Variants in CCDC7 observed in about 807,000 individuals in gnomAD.
The protein encoded by CCDC7 is coiled-coil domain containing 7.
In CCDC7, 183 loss-of-function variants were observed where a neutral mutation model predicts 196.9. The observed-to-expected ratio is 0.93, with a 90% confidence interval of 0.82 to 1.05. CCDC7 has a LOEUF of 1.05. Among genes scored for constraint, CCDC7 ranks in the 50% least tolerant of loss-of-function variants. The pLI, the probability that CCDC7 is intolerant of heterozygous loss-of-function variation, is 0.00. For missense variants in CCDC7, 1,540 were observed against 1,482.2 expected, an observed-to-expected ratio of 1.04 and a Z score of -0.64; for synonymous variants, 525 against 484.6, an observed-to-expected ratio of 1.08 and a Z score of -1.10.
In CCDC7 at chr10:32,565,548, TA is replaced by T; in HGVS notation, c.1135-9del. The T allele has an allele frequency of 6.2e-7, 1 of 1,608,390 alleles. No homozygotes were observed. The highest frequency in any genetic ancestry group is 8.5e-7 in the Non-Finnish European group (1 of 1,177,136). ...AGTAAATACCTTTTTTCCCCCTTCT[TA>T]CTTCCTAGAAAGTAGCACGTCTGGA... On this transcript the variant is annotated splice_polypyrimidine_tract_variant and intron_variant, in intron 13 of 41. Coordinates refer to ENST00000639629, the Ensembl canonical transcript of CCDC7.
intron 3 of CCDC7, among the ~76,000 whole-genome samples, chr10:32,461,079 GGTTTTT>G (rs1351993324): frequency 6.6e-6 from 1 of 151,964 alleles, no homozygotes; most frequent in African/African-American, 2.4e-5. Flanking sequence ...GATAGGGTGG[GGTTTTT>G]GTTTTTGTAG....
chr10:32,759,515 T>C (rs2077067391), intron 28 of CCDC7, among the ~76,000 whole-genome samples: 1 of 152,070 alleles, frequency 6.6e-6, no homozygotes, highest in South Asian at 2.1e-4. Flanking sequence ...ATTTAATAAA[T>C]GGTGCTGGGA....
At chr10:32,487,462 T>C (rs974511311) in intron 8 of CCDC7, among the ~76,000 whole-genome samples, 1 of 152,222 alleles carries the variant, frequency 6.6e-6, no homozygotes, top group Non-Finnish European at 1.5e-5. Context: ...AGTTTGATTG[T>C]CTGAAGCCTT....
intron 28 of CCDC7, among the ~76,000 whole-genome samples, chr10:32,773,332 G>A (rs367961398): frequency 2.6e-5 from 4 of 152,156 alleles, no homozygotes; most frequent in East Asian, 1.9e-4. Context: ...ATGTTGTCTC[G>A]TAATTCTGAT....
chr10:32,517,184 ATACT>A lies in CCDC7; in HGVS notation c.873-756_873-753del, dbSNP rs1460277344. Among the ~76,000 whole-genome samples, 8 of 152,292 alleles carry A rather than the reference ATACT, an allele frequency of 5.3e-5. No homozygotes were observed. In the East Asian group the frequency reaches 1.5e-3, roughly 29 times the overall value. On this transcript the variant is annotated intron_variant, in intron 9 of 41. Transcript: ENST00000639629. ...GACCATCAGGCTTGCAGAATCTAAG[ATACT>A]TACTATTTAGTTCTTTACAACTCCT...
intron 11 of CCDC7, among the ~76,000 whole-genome samples, chr10:32,537,823 G>A (rs1222904202): frequency 6.6e-6 from 1 of 151,976 alleles, no homozygotes; most frequent in African/African-American, 2.4e-5. Context: ...CCTTATTTCT[G>A]GCTTCTCTAT....
chr10:32,519,703 C>T (rs1425385170), intron 11 of CCDC7, among the ~76,000 whole-genome samples: 1 of 152,010 alleles, frequency 6.6e-6, no homozygotes, highest in African/African-American at 2.4e-5. Flanking sequence ...CCTCCTTAAG[C>T]ACTTATCCTT....
chr10:32,612,237 T>C (rs565378505), intron 18 of CCDC7, among the ~76,000 whole-genome samples: 96 of 152,312 alleles, frequency 6.3e-4, no homozygotes, highest in African/African-American at 2.3e-3. Flanking sequence ...TCTTGGTGTA[T>C]AGGAAAGCTT....
At chr10:32,775,512 A>T (rs1457661860) in intron 28 of CCDC7, among the ~76,000 whole-genome samples, 1 of 152,188 alleles carries the variant, frequency 6.6e-6, no homozygotes, top group African/African-American at 2.4e-5. Flanking sequence ...TTAGAAAAAA[A>T]CCGTAATGCT....
chr10:32,636,820 G>A (rs1184239828), intron 20 of CCDC7, among the ~76,000 whole-genome samples: 2 of 152,202 alleles, frequency 1.3e-5, no homozygotes, highest in African/African-American at 4.8e-5. Context: ...TTCCACAATG[G>A]TTTAACTAGT....
intron 9 of CCDC7, among the ~76,000 whole-genome samples, chr10:32,497,806 C>A (rs967512941): frequency 6.6e-6 from 1 of 152,148 alleles, no homozygotes; most frequent in Non-Finnish European, 1.5e-5. Flanking sequence ...GAGTATTTTA[C>A]TTCCAATTTT....
At chr10:32,505,533 A>G (rs184619214) in intron 9 of CCDC7, among the ~76,000 whole-genome samples, 3,202 of 152,258 alleles carry the variant, frequency 0.021, 50 homozygotes, top group Non-Finnish European at 0.028. Context: ...AAGGCAGAAG[A>G]ATTTTTCTTA....
intron 24 of CCDC7, among the ~76,000 whole-genome samples, chr10:32,700,980 A>G (rs1312904367): frequency 1.3e-5 from 2 of 152,326 alleles, no homozygotes; most frequent in African/African-American, 2.4e-5. Flanking sequence ...TTTTCTAGAC[A>G]TACAAGGATG....
exon 26 of CCDC7, chr10:32,726,819 G>T: frequency 6.3e-7 from 1 of 1,578,676 alleles, no homozygotes; most frequent in Admixed American, 1.7e-5. Flanking sequence ...CTCCTGGAAG[G>T]GAAAGGCGTA....
At chr10:32,666,001 A>G (rs2072597636) in intron 21 of CCDC7, among the ~76,000 whole-genome samples, 1 of 151,802 alleles carries the variant, frequency 6.6e-6, no homozygotes, top group Non-Finnish European at 1.5e-5. Flanking sequence ...CAGACAGTTC[A>G]TTGTTAGAGT....
chr10:32,656,178 G>A (rs1036485161), intron 20 of CCDC7, among the ~76,000 whole-genome samples: 2 of 152,008 alleles, frequency 1.3e-5, no homozygotes, highest in Non-Finnish European at 2.9e-5. Context: ...TATTTATTAT[G>A]GCAGTTCCTC....
intron 29 of CCDC7, among the ~76,000 whole-genome samples, chr10:32,786,710 A>C (rs1218670444): frequency 6.6e-6 from 1 of 152,162 alleles, no homozygotes; most frequent in Non-Finnish European, 1.5e-5. Flanking sequence ...ACAGTGAGCC[A>C]AGATCATGCT....
intron 28 of CCDC7, among the ~76,000 whole-genome samples, chr10:32,764,390 AG>A (rs1368425022): frequency 2.0e-5 from 3 of 151,926 alleles, no homozygotes; most frequent in African/African-American, 7.2e-5. Flanking sequence ...TTGCATGTAT[AG>A]GATGAAGATG....
chr10:32,747,004 G>A (rs895400989), intron 28 of CCDC7, among the ~76,000 whole-genome samples: 2 of 152,162 alleles, frequency 1.3e-5, no homozygotes, highest in African/African-American at 4.8e-5. Flanking sequence ...TGGCACATGC[G>A]GGGACCCTGC....
Sources: allele counts gnomAD v4.1 joint callset (sites outside exome capture counted in the v4.1 genomes callset), GRCh38; gene constraint gnomAD v4.1.1; transcripts MANE v1.5; gene names NCBI Gene and HGNC (gene_info 2026-07-23, HGNC 2026-07-21).